The following UQCRQ variants were observed in gnomAD, a reference collection of about 807,000 sequenced individuals.
UQCRQ encodes the protein ubiquinol-cytochrome c reductase complex III subunit VII, also known as cytochrome b-c1 complex subunit 8.
UQCRQ carries 9 observed loss-of-function variants against 7.9 expected under a neutral mutation model. That is an observed-to-expected ratio of 1.13 (90% CI 0.68 to 1.98). The LOEUF (loss-of-function observed/expected upper bound fraction) is 1.98, where lower values mean the gene tolerates loss of function less well. UQCRQ is among the 30% of genes most tolerant of loss of function. The pLI, the probability that UQCRQ is intolerant of heterozygous loss-of-function variation, is 0.00. For synonymous variants in UQCRQ, 50 were observed against 41.9 expected (o/e 1.19, Z -0.75); for missense variants, 112 against 109.7 (o/e 1.02, Z -0.10).
At position 132,868,026 on chromosome 5, in the gene UQCRQ, G is replaced by T. The variant is rs751787949; in HGVS notation, c.*444G>T. On this transcript the variant is annotated 3_prime_UTR_variant, in exon 3 of 3. Coordinates refer to ENST00000378670, the MANE Select transcript of UQCRQ (RefSeq NM_014402.5). The stretch of plus-strand genomic sequence containing the variant: ...GATGGAGTCTTGCTCTCTCACCCAG[G>T]CTGGAGTGCAGTGGTGTGATCTCGG... 2.8e-5 allele frequency: 6 copies of T among 217,494 alleles called. No individual in the cohort carries two copies. The highest frequency in any genetic ancestry group is 5.2e-5 in the Admixed American group (1 of 19,138). 13.5% of individuals were successfully genotyped at this position (217,494 alleles called of 1,614,324 possible). A position where few individuals can be genotyped will look rare whatever the true frequency, so the allele number is the denominator to read the frequency against.
chr5:132,867,884 G>A lies in UQCRQ; in HGVS notation c.*302G>A. On this transcript the variant is annotated 3_prime_UTR_variant, in exon 3 of 3. Transcript: ENST00000378670. ...CTCCTGCATCTAACCATTTGTGGGT[G>A]ACATGGGCTATGGCGAGTGCTGGTT... The A allele has an allele frequency of 2.3e-6, 1 of 427,278 alleles. No homozygotes were observed. Among genetic ancestry groups the A allele is most frequent in the Non-Finnish European group, 4.4e-6 (1 of 229,198 alleles). 26.5% of individuals were successfully genotyped at this position (427,278 alleles called of 1,614,324 possible). A position where few individuals can be genotyped will look rare whatever the true frequency, so the allele number is the denominator to read the frequency against.
Position 132,868,506 on chromosome 5 carries a change from C to T in UQCRQ, c.*924C>T, listed in dbSNP as rs563752926. ...GCTTCCCTGGGCCACACATAAAATA[C>T]GCTAACATTACAATAGCTGATAAGC... On this transcript the variant is annotated 3_prime_UTR_variant, in exon 3 of 3. Coordinates refer to ENST00000378670, the MANE Select transcript of UQCRQ (RefSeq NM_014402.5). Among the ~76,000 whole-genome samples, 4 of 152,242 alleles carry T rather than the reference C, an allele frequency of 2.6e-5. No individual in the cohort carries two copies. Among genetic ancestry groups the T allele is most frequent in the South Asian group, 2.1e-4 (1 of 4,824 alleles).
rs1378690446 is a variant in UQCRQ at position 132,868,753 on chromosome 5, C to T, written c.*1171C>T. Reference sequence around the variant, plus strand: ...TCCACAGCAGTTTTCTGTTTCTGTGCCAGGAGGCCAACAATGTTTTCAACC... The same window carrying T: ...TCCACAGCAGTTTTCTGTTTCTGTGTCAGGAGGCCAACAATGTTTTCAACC... On this transcript the variant is annotated 3_prime_UTR_variant, in exon 3 of 3. Coordinates refer to ENST00000378670, the MANE Select transcript of UQCRQ (RefSeq NM_014402.5). Among the ~76,000 whole-genome samples, 1 of 116,914 alleles carries T rather than the reference C, an allele frequency of 8.6e-6. No homozygotes were observed. Among genetic ancestry groups the T allele is most frequent in the Non-Finnish European group, 2.1e-5 (1 of 48,408 alleles). The allele number at this position is 116,914 out of a possible 152,430, so 76.7% of individuals were successfully genotyped here. A position where few individuals can be genotyped will look rare whatever the true frequency, so the allele number is the denominator to read the frequency against.
In UQCRQ at chr5:132,868,775, A is replaced by G. The variant is rs254284; in HGVS notation, c.*1193A>G. The stretch of plus-strand genomic sequence containing the variant: ...GTGCCAGGAGGCCAACAATGTTTTC[A>G]ACCATATGTGGTTCATAAAGCCTCA... On this transcript the variant is annotated 3_prime_UTR_variant, in exon 3 of 3. Coordinates refer to ENST00000378670, the MANE Select transcript of UQCRQ (RefSeq NM_014402.5). 0.44 allele frequency among the ~76,000 whole-genome samples: 66,558 copies of G among 151,960 alleles called. 15,818 individuals are homozygous for G. The highest frequency in any genetic ancestry group is 0.59 in the South Asian group (2,833 of 4,814).
rs201159889 is a variant in UQCRQ at position 132,867,580 on chromosome 5, T to G, written c.247T>G (p.Ter83GlyextTer23). 169 of 1,613,642 alleles carry G rather than the reference T, an allele frequency of 1.0e-4. 2 individuals are homozygous for G. The highest frequency in any genetic ancestry group is 2.5e-6 in the Non-Finnish European group (3 of 1,179,690). Reference protein sequence around the residue: ...KNPAAYENDK* With the variant: ...KNPAAYENDKG ...TCCAGCTGCCTATGAAAATGACAAA[T>G]GAGCAACGCATCCGGATGACGGTTC... The change falls in exon 3 of 3, where the codon TGA becomes GGA. Residue 83 changes from the stop codon to glycine (G), a stop_lost. Transcript: ENST00000378670.
chr5:132,866,717 T>C, intron 1 of UQCRQ, 30 bp downstream of exon 1: 4 of 849,086 alleles, frequency 4.7e-6, no homozygotes, highest in South Asian at 1.6e-5. Context: ...TTGTGCAGTG[T>C]TCGTGGACCC....
At chr5:132,867,067 C>A in intron 2 of UQCRQ, 32 bp downstream of exon 2, 1 of 1,612,320 alleles carries the variant, frequency 6.2e-7, no homozygotes, top group Non-Finnish European at 8.5e-7. Flanking sequence ...GAGCGGGAGG[C>A]TGGACCCCAG....
intron 2 of UQCRQ, 45 bp downstream of exon 2, chr5:132,867,080 G>A: frequency 6.2e-7 from 1 of 1,610,436 alleles, no homozygotes; most frequent in South Asian, 1.1e-5. Context: ...GACCCCAGCA[G>A]CAGCAGCAGT....
At chr5:132,867,218 G>T in intron 2 of UQCRQ, 183 bp downstream of exon 2, 1 of 866,398 alleles carries the variant, frequency 1.2e-6, no homozygotes, top group Non-Finnish European at 1.7e-6. Context: ...CTTACACGGG[G>T]AAAACTGAGC....
chr5:132,867,546 G>A lies in UQCRQ; in HGVS notation c.213G>A (p.Lys71=), dbSNP rs1405007598. 1.2e-6 allele frequency: 2 copies of A among 1,614,070 alleles called. No individual in the cohort carries two copies. The highest frequency in any genetic ancestry group is 1.7e-5 in the Admixed American group (1 of 60,008). ...TWGTEEFERS[K]RKNPAAYEND... ...GGACTGAAGAGTTCGAGAGATCCAA[G>A]AGGAAGAATCCAGCTGCCTATGAAA... The change falls in exon 3 of 3, where the codon AAG becomes AAA. Residue 71 remains lysine, a synonymous_variant. Transcript: ENST00000378670.
In UQCRQ at chr5:132,866,644, A is replaced by T. The variant is rs1759623756; in HGVS notation, c.-57A>T. On this transcript the variant is annotated 5_prime_UTR_variant, in exon 1 of 3. Transcript: ENST00000378670. ...CTTCCAACCTTGCCGGAAATGACGA[A>T]CGAGTCAACCGGATCGGTGACTGTG... 3.4e-6 allele frequency: 2 copies of T among 590,866 alleles called. No homozygotes were observed. Among genetic ancestry groups the T allele is most frequent in the Non-Finnish European group, 6.0e-6 (2 of 334,062 alleles). 36.6% of individuals were successfully genotyped at this position (590,866 alleles called of 1,614,324 possible). A position where few individuals can be genotyped will look rare whatever the true frequency, so the allele number is the denominator to read the frequency against.
chr5:132,866,999 C>T lies in UQCRQ; in HGVS notation c.118C>T (p.Arg40Cys), dbSNP rs1359269160. Residue 40 changes from arginine (R) to cysteine (C), a missense_variant, in exon 2 of 3, where the codon CGC becomes TGC. Physicochemically the swap from Arg to Cys is radical, Grantham distance 180. Transcript: ENST00000378670. Reference sequence around the variant, plus strand: ...CACTAAAGGAATCCCCAATGTTCTGCGCCGCATTCGGGAGTCTTTCTTTCG... The same window carrying T: ...CACTAAAGGAATCCCCAATGTTCTGTGCCGCATTCGGGAGTCTTTCTTTCG... Reference protein sequence around the residue: ...VFTKGIPNVLRRIRESFFRVV... With the variant: ...VFTKGIPNVLCRIRESFFRVV... The T allele has an allele frequency of 1.2e-6, 2 of 1,614,056 alleles. No homozygotes were observed. The highest frequency in any genetic ancestry group is 2.2e-5 in the East Asian group (1 of 44,880).
In UQCRQ at chr5:132,868,784, T is replaced by A. The variant is rs1435931962; in HGVS notation, c.*1202T>A. ...GGCCAACAATGTTTTCAACCATATG[T>A]GGTTCATAAAGCCTCAAAGATTTAC... On this transcript the variant is annotated 3_prime_UTR_variant, in exon 3 of 3. Transcript: ENST00000378670. Among the ~76,000 whole-genome samples, 2 of 152,152 alleles carry A rather than the reference T, an allele frequency of 1.3e-5. No homozygotes were observed. Among genetic ancestry groups the A allele is most frequent in the East Asian group, 3.9e-4 (2 of 5,182 alleles).
At position 132,866,991 on chromosome 5, in the gene UQCRQ, A is replaced by C. The variant is rs201606663; in HGVS notation, c.110A>C (p.Asn37Thr). 1.2e-6 allele frequency: 2 copies of C among 1,613,920 alleles called. No individual in the cohort carries two copies. Among genetic ancestry groups the C allele is most frequent in the Non-Finnish European group, 1.7e-6 (2 of 1,179,944 alleles). Residue 37 changes from asparagine to threonine, a missense_variant, in exon 2 of 3, where the codon AAT (asparagine) becomes ACT (threonine). Physicochemically the swap from Asn to Thr is moderately conservative, Grantham distance 65 (BLOSUM62 0). Coordinates refer to ENST00000378670, the MANE Select transcript of UQCRQ (RefSeq NM_014402.5). ...YPHVFTKGIP[N>T]VLRRIRESFF... ...CACGTCTTCACTAAAGGAATCCCCA[A>C]TGTTCTGCGCCGCATTCGGGAGTCT...
In UQCRQ at chr5:132,868,098, A is replaced by T. The variant is rs1759688930; in HGVS notation, c.*516A>T. 5.9e-6 allele frequency: 1 copy of T among 169,096 alleles called. No homozygotes were observed. The highest frequency in any genetic ancestry group is 2.4e-5 in the African/African-American group (1 of 41,618). The allele number at this position is 169,096 out of a possible 1,614,324, so 10.5% of individuals were successfully genotyped here. A position where few individuals can be genotyped will look rare whatever the true frequency, so the allele number is the denominator to read the frequency against. On this transcript the variant is annotated 3_prime_UTR_variant, in exon 3 of 3. Coordinates refer to ENST00000378670, the MANE Select transcript of UQCRQ (RefSeq NM_014402.5). ...TGGGTTCAAACGATTCTCCTGTCTC[A>T]GCCTCCGAGTAGCTGGGATTACAGG...
chr5:132,867,191 C>A (rs921042858), intron 2 of UQCRQ, 156 bp downstream of exon 2: 2 of 997,034 alleles, frequency 2.0e-6, no homozygotes, highest in Non-Finnish European at 2.9e-6. Flanking sequence ...TTAAGCTGGT[C>A]ATATTATCCT....
chr5:132,868,767 A>G lies in UQCRQ; in HGVS notation c.*1185A>G, dbSNP rs986940605. On this transcript the variant is annotated 3_prime_UTR_variant, in exon 3 of 3. Transcript: ENST00000378670. ...CTGTTTCTGTGCCAGGAGGCCAACA[A>G]TGTTTTCAACCATATGTGGTTCATA... Among the ~76,000 whole-genome samples, 5 of 152,074 alleles carry G rather than the reference A, an allele frequency of 3.3e-5. No individual in the cohort carries two copies. Among genetic ancestry groups the G allele is most frequent in the Admixed American group, 1.3e-4 (2 of 15,270 alleles).
In UQCRQ at chr5:132,868,502, A is replaced by T. The variant is rs1294345082; in HGVS notation, c.*920A>T. Among the ~76,000 whole-genome samples, 1 of 152,208 alleles carries T rather than the reference A, an allele frequency of 6.6e-6. No individual in the cohort carries two copies. The highest frequency in any genetic ancestry group is 1.5e-5 in the Non-Finnish European group (1 of 68,034). ...TTTAGCTTCCCTGGGCCACACATAA[A>T]ATACGCTAACATTACAATAGCTGAT... is the stretch of plus-strand genomic sequence containing the variant. On this transcript the variant is annotated 3_prime_UTR_variant, in exon 3 of 3. Coordinates refer to ENST00000378670, the MANE Select transcript of UQCRQ (RefSeq NM_014402.5).
At position 132,868,534 on chromosome 5, in the gene UQCRQ, T is replaced by TA. The variant is rs1460243853; in HGVS notation, c.*958dup. Among the ~76,000 whole-genome samples, 1 of 152,160 alleles carries TA rather than the reference T, an allele frequency of 6.6e-6. No individual in the cohort carries two copies. The highest frequency in any genetic ancestry group is 1.9e-4 in the East Asian group (1 of 5,194). ...TAACATTACAATAGCTGATAAGCTT[T>TA]AAAAAATGGCAAAAAAAACCCTCAG... On this transcript the variant is annotated 3_prime_UTR_variant, in exon 3 of 3. Coordinates refer to ENST00000378670, the MANE Select transcript of UQCRQ (RefSeq NM_014402.5).
Sources: gnomAD v4.1 joint callset for allele counts (sites outside exome capture counted in the v4.1 genomes callset) on GRCh38, gnomAD v4.1.1 for gene constraint, MANE v1.5 for transcripts, NCBI Gene and HGNC (gene_info 2026-07-23, HGNC 2026-07-21) for gene names.